ARB2A: variants seen among roughly 807,000 people sequenced by gnomAD.
ARB2A encodes cotranscriptional regulator ARB2A.
chr5:94,049,450 T>C, the ARB2A span, among the ~76,000 whole-genome samples: 1 of 151,962 alleles, frequency 6.6e-6, no homozygotes, highest in Non-Finnish European at 1.5e-5. Flanking sequence ...GTAATCCCAG[T>C]ACTCTGGGAG....
the ARB2A span, among the ~76,000 whole-genome samples, chr5:93,818,957 A>G: frequency 3.3e-5 from 5 of 151,810 alleles, no homozygotes; most frequent in African/African-American, 4.8e-5. Flanking sequence ...GGAGGCCGAG[A>G]CGGGCGGATC....
the ARB2A span, among the ~76,000 whole-genome samples, chr5:93,815,744 G>A: frequency 3.3e-5 from 5 of 152,096 alleles, no homozygotes; most frequent in Non-Finnish European, 5.9e-5. Context: ...GTGGGATATG[G>A]TGAAGGAAAA....
chr5:94,066,557 T>C, the ARB2A span, among the ~76,000 whole-genome samples: 1 of 151,700 alleles, frequency 6.6e-6, no homozygotes, highest in Non-Finnish European at 1.5e-5. Flanking sequence ...CAGACTATTA[T>C]AAACAACTGT....
chr5:93,881,487 T>C, the ARB2A span: 1 of 1,610,152 alleles, frequency 6.2e-7, no homozygotes, highest in Non-Finnish European at 8.5e-7. Context: ...TACAATTGCA[T>C]CATTTCTTTT....
At chr5:93,648,257 C>A in the ARB2A span, among the ~76,000 whole-genome samples, 287 of 151,446 alleles carry the variant, frequency 1.9e-3, 3 homozygotes, top group African/African-American at 6.6e-3. Context: ...TTATTTCAAT[C>A]TGAAACTTCA....
At chr5:94,062,374 G>A in the ARB2A span, among the ~76,000 whole-genome samples, 2,172 of 152,194 alleles carry the variant, frequency 0.014, 56 homozygotes, top group African/African-American at 0.049. Flanking sequence ...CAAACAGGTC[G>A]TCGAAGATAG....
the ARB2A span, among the ~76,000 whole-genome samples, chr5:93,837,086 TAAGTA>T: frequency 7.9e-5 from 12 of 152,118 alleles, no homozygotes; most frequent in Admixed American, 5.2e-4. Context: ...ACCTAGGCAA[TAAGTA>T]TAGTACCCAA....
At chr5:93,965,492 T>C in the ARB2A span, among the ~76,000 whole-genome samples, 1 of 152,030 alleles carries the variant, frequency 6.6e-6, no homozygotes, top group Non-Finnish European at 1.5e-5. Flanking sequence ...GATAATAAAT[T>C]TGTGTTGCTT....
chr5:94,078,297 C>T, the ARB2A span, among the ~76,000 whole-genome samples: 3 of 152,292 alleles, frequency 2.0e-5, no homozygotes, highest in East Asian at 5.8e-4. Flanking sequence ...AGATTCTATG[C>T]TCACTAAGTG....
chr5:94,013,451 C>T, the ARB2A span, among the ~76,000 whole-genome samples: 2 of 152,134 alleles, frequency 1.3e-5, no homozygotes, highest in Non-Finnish European at 2.9e-5. Flanking sequence ...GCTGGGATTA[C>T]AGGCGTGAGA....
chr5:93,981,932 C>T, the ARB2A span, among the ~76,000 whole-genome samples: 2 of 152,032 alleles, frequency 1.3e-5, no homozygotes, highest in Non-Finnish European at 2.9e-5. Flanking sequence ...GTACACCACC[C>T]CCACAGTCCC....
At chr5:93,762,568 T>C in the ARB2A span, among the ~76,000 whole-genome samples, 1 of 152,326 alleles carries the variant, frequency 6.6e-6, no homozygotes, top group Non-Finnish European at 1.5e-5. Context: ...ACCAAATCTA[T>C]GTCTGATTGG....
chr5:93,830,311 G>GTA, the ARB2A span, among the ~76,000 whole-genome samples: 1,268 of 82,156 alleles, frequency 0.015, 19 homozygotes, highest in Non-Finnish European at 0.021. Context: ...GTGTGTGTGT[G>GTA]TATATATATA....
the ARB2A span, among the ~76,000 whole-genome samples, chr5:93,995,118 T>C: frequency 6.6e-6 from 1 of 152,154 alleles, no homozygotes; most frequent in Non-Finnish European, 1.5e-5. Flanking sequence ...AAGTACAGTA[T>C]TAAATCATAA....
the ARB2A span, among the ~76,000 whole-genome samples, chr5:93,743,736 G>A: frequency 3.3e-5 from 5 of 149,328 alleles, no homozygotes; most frequent in East Asian, 2.0e-4. Flanking sequence ...GCGTGATCTC[G>A]GCTCACTGCA....
At chr5:93,824,137 TA>T in the ARB2A span, 1 of 1,558,960 alleles carries the variant, frequency 6.4e-7, no homozygotes, top group Non-Finnish European at 8.7e-7. Flanking sequence ...GAGAGTAAAA[TA>T]AGCACTTACC....
chr5:93,851,686 G>C, the ARB2A span, among the ~76,000 whole-genome samples: 3 of 152,092 alleles, frequency 2.0e-5, no homozygotes, highest in South Asian at 2.1e-4. Context: ...TCCCACCTAT[G>C]AGTGAGAATA....
chr5:93,623,367 A>G, the ARB2A span, among the ~76,000 whole-genome samples: 2 of 152,124 alleles, frequency 1.3e-5, no homozygotes, highest in African/African-American at 4.8e-5. Context: ...TAGTGTTACT[A>G]AGGCTATGAT....
At chr5:93,983,178 TG>T in the ARB2A span, among the ~76,000 whole-genome samples, 1 of 2,604 alleles carries the variant, frequency 3.8e-4, no homozygotes, top group Non-Finnish European at 1.5e-3. Flanking sequence ...GAGGTGTGTG[TG>T]TGTGTGTGTG....
Sources: gnomAD v4.1 joint callset for allele counts (sites outside exome capture counted in the v4.1 genomes callset) on GRCh38, gnomAD v4.1.1 for gene constraint, MANE v1.5 for transcripts, NCBI Gene and HGNC (gene_info 2026-07-23, HGNC 2026-07-21) for gene names.